HERC2: variants seen among roughly 807,000 people sequenced by gnomAD.
HERC2 encodes E3 ubiquitin-protein ligase HERC2.
In HERC2, 102 loss-of-function variants were observed where a neutral mutation model predicts 537.7. The ratio of observed to expected loss-of-function variants is 0.19; its 90% confidence interval spans 0.16 to 0.22. HERC2 has a LOEUF of 0.22. Among genes scored for constraint, HERC2 ranks in the 10% least tolerant of loss-of-function variants. The pLI is 1.00. For missense variants in HERC2, 4,236 were observed against 6,198.2 expected, an observed-to-expected ratio of 0.68 and a Z score of 10.63; for synonymous variants, 2,224 against 2,466.2, an observed-to-expected ratio of 0.90 and a Z score of 2.91.
intron 14 of HERC2, among the ~76,000 whole-genome samples, chr15:28,264,387 C>T (rs1053179221): frequency 6.6e-6 from 1 of 152,172 alleles, no homozygotes; most frequent in East Asian, 1.9e-4. Context: ...TCAATGAAAG[C>T]GGCACAGCAG....
intron 78 of HERC2, among the ~76,000 whole-genome samples, chr15:28,139,103 T>G (rs1158580401): frequency 6.6e-6 from 1 of 152,260 alleles, no homozygotes; most frequent in African/African-American, 2.4e-5. Context: ...GAAATTTGTG[T>G]GACATGCTTT....
At position 28,191,047 on chromosome 15, in the gene HERC2, G is replaced by A; in HGVS notation, c.8567C>T (p.Ser2856Phe). ...CTTTAGTTCAATAAGGTTATTCAGG[G>A]AATTTCCACCTAGGAAAAAATGGGT... The part of the protein sequence containing the change: ...PSLVVVSGGN[S>F]LNNLIELKTI... Residue 2856 changes from serine to phenylalanine, a missense_variant, in exon 55 of 93, where the codon TCC becomes TTC. Transcript: ENST00000261609. 1 of 1,611,518 alleles carries A rather than the reference G, an allele frequency of 6.2e-7. No individual in the cohort carries two copies. Among genetic ancestry groups the A allele is most frequent in the Non-Finnish European group, 8.5e-7 (1 of 1,177,752 alleles).
At position 28,177,121 on chromosome 15, in the gene HERC2, A is replaced by C. The variant is rs866995225; in HGVS notation, c.9261T>G (p.Cys3087Trp). The C allele has an allele frequency of 6.2e-7, 1 of 1,609,932 alleles. No individual in the cohort carries two copies. Among genetic ancestry groups the C allele is most frequent in the East Asian group, 2.2e-5 (1 of 44,756 alleles). ...GGGCCTCGATCAGCCTTGGTTTGTC[A>C]CAGTTCCTACAACAAGATGAAATCA... The part of the protein sequence containing the change: ...GKLGHFSRMN[C>W]DKPRLIEALK... The change falls in exon 61 of 93, where the codon TGT (cysteine) becomes TGG (tryptophan). Residue 3087 changes from cysteine to tryptophan, a missense_variant. By Grantham distance (215) the Cys-to-Trp change is radical (BLOSUM62 -2). Around this residue, in one of 27 missense-constraint regions of HERC2, gnomAD observed 606 missense variants for 884.5 expected, o/e 0.69. Coordinates refer to ENST00000261609, the MANE Select transcript of HERC2 (RefSeq NM_004667.6). The surrounding 1 kb of genome is among the most constrained non-coding windows in gnomAD (Gnocchi z 5.0).
At chr15:28,156,038 G>A (rs1006532307) in intron 69 of HERC2, among the ~76,000 whole-genome samples, 6 of 152,180 alleles carry the variant, frequency 3.9e-5, no homozygotes, top group East Asian at 1.9e-4. Flanking sequence ...CCCATTTCTC[G>A]TTTTTGTCAG....
At chr15:28,203,871 C>T (rs896045878) in intron 45 of HERC2, 2 of 151,962 alleles carry the variant, frequency 1.3e-5, no homozygotes, top group Admixed American at 6.5e-5. Context: ...AGGGGCTCCC[C>T]AGCTGCCCAG....
At position 28,176,304 on chromosome 15, in the gene HERC2, G is replaced by A; in HGVS notation, c.9686+124C>T. ...AACTCAATATCCTTTAAAGGACAAA[G>A]ATGCATGCATAAGTAAAAAGAGGAC... On this transcript the variant is annotated intron_variant, in intron 63 of 92. Transcript: ENST00000261609. This position sits in a 1 kb window ranked among gnomAD's most constrained non-coding sequence, Gnocchi z 5.0. The A allele has an allele frequency of 1.3e-6, 1 of 757,446 alleles. No homozygotes were observed. The highest frequency in any genetic ancestry group is 2.2e-6 in the Non-Finnish European group (1 of 458,070). The allele number at this position is 757,446 out of a possible 1,614,324, so 46.9% of individuals were successfully genotyped here. A position where few individuals can be genotyped will look rare whatever the true frequency, so the allele number is the denominator to read the frequency against.
At chr15:28,124,563 A>G (rs964177055) in intron 84 of HERC2, among the ~76,000 whole-genome samples, 1 of 34,782 alleles carries the variant, frequency 2.9e-5, no homozygotes, top group Admixed American at 5.9e-4. Flanking sequence ...TGGCATGAAC[A>G]TTCAAGGTTC....
At chr15:28,117,272 G>C (rs750236374) in intron 86 of HERC2, 118 bp from the exon 87 acceptor site, 6 of 1,024,560 alleles carry the variant, frequency 5.9e-6, no homozygotes, top group Non-Finnish European at 7.5e-6. Context: ...GCCCCTCCCT[G>C]GTCACACACC....
chr15:28,237,288 T>C (rs113503298), intron 25 of HERC2, among the ~76,000 whole-genome samples, 175 bp from the exon 26 acceptor site: 1 of 152,266 alleles, frequency 6.6e-6, no homozygotes, highest in Admixed American at 6.5e-5. Flanking sequence ...TAACAGCAGA[T>C]ACCACATAAA....
intron 55 of HERC2, among the ~76,000 whole-genome samples, chr15:28,188,681 AG>A (rs1480814797): frequency 6.6e-6 from 1 of 152,194 alleles, no homozygotes; most frequent in Non-Finnish European, 1.5e-5. Flanking sequence ...GAGGCAGGGA[AG>A]TAAGGTGGGA....
At chr15:28,121,712 C>T (rs951712864) in intron 85 of HERC2, among the ~76,000 whole-genome samples, 1 of 152,220 alleles carries the variant, frequency 6.6e-6, no homozygotes, top group African/African-American at 2.4e-5. Context: ...AAGAGCCCAG[C>T]ACACACAGGG....
Position 28,186,494 on chromosome 15 carries a change from T to G in HERC2, c.8825+83A>C, listed in dbSNP as rs922373965. ...AAATGACTCTCAGTATGAGACACAT[T>G]CTAATTAAATGTTTCCTTTCGAAAG... On this transcript the variant is annotated intron_variant, in intron 56 of 92. Transcript: ENST00000261609. 5.4e-6 allele frequency: 6 copies of G among 1,107,344 alleles called. No individual in the cohort carries two copies. The African/African-American group carries it at 6.2e-5, about 11-fold the overall frequency. The allele number at this position is 1,107,344 out of a possible 1,614,324, so 68.6% of individuals were successfully genotyped here.
chr15:28,306,147 A>C (rs184750726), intron 2 of HERC2, among the ~76,000 whole-genome samples: 1 of 152,216 alleles, frequency 6.6e-6, no homozygotes, highest in Non-Finnish European at 1.5e-5. Context: ...GTCTTGTTCC[A>C]GATCTTAGAG....
At chr15:28,182,055 T>A (rs1405707442) in intron 57 of HERC2, among the ~76,000 whole-genome samples, 2 of 152,230 alleles carry the variant, frequency 1.3e-5, no homozygotes, top group Non-Finnish European at 1.5e-5. Context: ...TTTGCTCATC[T>A]GTGGGCCACT....
At chr15:28,201,619 A>G (rs1483124860) in intron 47 of HERC2, 65 bp from the exon 48 acceptor site, 27 of 988,862 alleles carry the variant, frequency 2.7e-5, no homozygotes, top group Non-Finnish European at 3.7e-5. Context: ...TCAAAAAGAA[A>G]TAAGTCTGTG....
At chr15:28,138,177 C>T (rs554125803) in intron 78 of HERC2, among the ~76,000 whole-genome samples, 13 of 152,300 alleles carry the variant, frequency 8.5e-5, no homozygotes, top group African/African-American at 2.9e-4. Context: ...CATAAAAGTG[C>T]AAGGGAAAGT....
rs189994163 is a variant in HERC2, at chr15:28,181,937, T to C, written c.8937+464A>G. Among the ~76,000 whole-genome samples, 543 of 152,304 alleles carry C rather than the reference T, an allele frequency of 3.6e-3. 1 individual carries two copies. The highest frequency in any genetic ancestry group is 0.013 in the African/African-American group (523 of 41,586). On this transcript the variant is annotated intron_variant, in intron 57 of 92. Transcript: ENST00000261609. ...TAAGGCAAGTGTGTATGCGCACACA[T>C]GTGCATTCTGCTTGTTTCTCTGTGC...
At chr15:28,155,119 T>C (rs372510625) in intron 69 of HERC2, among the ~76,000 whole-genome samples, 110 of 152,244 alleles carry the variant, frequency 7.2e-4, no homozygotes, top group Non-Finnish European at 1.2e-3. Flanking sequence ...GGCTGCATAG[T>C]ATTCCATGGT....
Position 28,321,655 on chromosome 15 carries a change from C to T in HERC2, c.-31-191G>A, listed in dbSNP as rs1167779667. ...GAGGGAGGTGGGGAAGGGAAAGCCT[C>T]CTTCCAAGGTAAGCAGGGTGTGCCG... On this transcript the variant is annotated intron_variant, in intron 1 of 92. Transcript: ENST00000261609. Among the ~76,000 whole-genome samples the T allele has an allele frequency of 1.7e-5, 2 of 119,172 alleles. 1 individual carries two copies. The highest frequency in any genetic ancestry group is 6.2e-4 in the South Asian group (2 of 3,248). The allele number at this position is 119,172 out of a possible 152,430, so 78.2% of individuals were successfully genotyped here.
Sources: gnomAD v4.1 joint callset for allele counts (sites outside exome capture counted in the v4.1 genomes callset) on GRCh38, gnomAD v4.1.1 for gene constraint, gnomAD v4.1.1 regional missense constraint, Gnocchi (gnomAD v3.1) non-coding constraint, MANE v1.5 for transcripts, NCBI Gene and HGNC (gene_info 2026-07-23, HGNC 2026-07-21) for gene names.